The following ARMH1 variants were observed in gnomAD, a reference collection of about 807,000 sequenced individuals.
ARMH1 encodes armadillo like helical domain containing 1.
In ARMH1, 34 loss-of-function variants were observed where a neutral mutation model predicts 50.2. That is an observed-to-expected ratio of 0.68 (90% CI 0.51 to 0.90). The LOEUF (loss-of-function observed/expected upper bound fraction) is 0.90, where lower values mean the gene tolerates loss of function less well. Among genes scored for constraint, ARMH1 ranks in the 40% least tolerant of loss-of-function variants. ARMH1 has a pLI of 0.00. For missense variants in ARMH1, 538 were observed against 553.9 expected (o/e 0.97, Z 0.29); for synonymous variants, 221 against 224.2 (o/e 0.99, Z 0.13).
chr1:44,706,347 T>C (rs1646341013), intron 6 of ARMH1, among the ~76,000 whole-genome samples: 1 of 152,130 alleles, frequency 6.6e-6, no homozygotes, highest in African/African-American at 2.4e-5. Flanking sequence ...AAGCAGCTTA[T>C]GGATGTCAGA....
At chr1:44,709,915 T>C (rs1311967940) in intron 6 of ARMH1, among the ~76,000 whole-genome samples, 1 of 152,136 alleles carries the variant, frequency 6.6e-6, no homozygotes, top group Non-Finnish European at 1.5e-5. Flanking sequence ...GTTTATGAAT[T>C]TGGAAAATGG....
chr1:44,698,568 T>G lies in ARMH1; in HGVS notation c.442+339T>G, dbSNP rs553950261. 3.9e-5 allele frequency among the ~76,000 whole-genome samples: 6 copies of G among 152,246 alleles called. No individual in the cohort carries two copies. In the East Asian group the frequency reaches 1.2e-3, roughly 29 times the overall value. On this transcript the variant is annotated intron_variant, in intron 4 of 11. Coordinates refer to ENST00000535358, the MANE Select transcript of ARMH1 (RefSeq NM_001145636.2). The stretch of plus-strand genomic sequence containing the variant: ...GCTCACACCTGTAATCCCAGCATTT[T>G]GGGAGGCCAAGGCAGGAAGATCACC...
At chr1:44,703,975 C>T in intron 5 of ARMH1, 114 bp from the exon 6 acceptor site, 2 of 732,984 alleles carry the variant, frequency 2.7e-6, no homozygotes, top group Admixed American at 2.5e-5. Context: ...ATCTGCCCAC[C>T]TCGGCCTCCT....
intron 1 of ARMH1, among the ~76,000 whole-genome samples, chr1:44,686,784 C>G (rs1056782823): frequency 2.0e-5 from 3 of 151,304 alleles, no homozygotes; most frequent in Non-Finnish European, 4.4e-5. Context: ...TGCAATAAAA[C>G]TGATTCCTCC....
chr1:44,679,542 T>C (rs979972567), intron 1 of ARMH1, among the ~76,000 whole-genome samples: 4 of 152,372 alleles, frequency 2.6e-5, no homozygotes, highest in African/African-American at 9.6e-5. Flanking sequence ...AATAACATTA[T>C]GGTTTACAGA....
intron 6 of ARMH1, among the ~76,000 whole-genome samples, chr1:44,719,699 G>C (rs1314725517): frequency 1.3e-5 from 2 of 152,254 alleles, no homozygotes; most frequent in African/African-American, 4.8e-5. Context: ...CTGAAGCAGA[G>C]ACCTGTTCTG....
chr1:44,713,097 CTTTTTTT>C (rs538780455), intron 6 of ARMH1, among the ~76,000 whole-genome samples: 2 of 118,858 alleles, frequency 1.7e-5, no homozygotes, highest in African/African-American at 6.3e-5. Flanking sequence ...TGCGCCCGGC[CTTTTTTT>C]TTTTTTTTTT....
intron 6 of ARMH1, among the ~76,000 whole-genome samples, chr1:44,705,688 C>T (rs1414993255): frequency 6.6e-6 from 1 of 152,168 alleles, no homozygotes; most frequent in Non-Finnish European, 1.5e-5. Context: ...GGATTCTAGC[C>T]AGATCTGCCT....
Position 44,709,563 on chromosome 1 carries a change from A to T in ARMH1, c.724+5390A>T, listed in dbSNP as rs185640472. ...GGCATGCGCCTGTAGTCCCACCTAC[A>T]CGGGAGGCTGAGGCAGGAGAATAGC... On this transcript the variant is annotated intron_variant, in intron 6 of 11. Coordinates refer to ENST00000535358, the MANE Select transcript of ARMH1 (RefSeq NM_001145636.2). 1.3e-3 allele frequency among the ~76,000 whole-genome samples: 203 copies of T among 152,030 alleles called. 3 individuals carry two copies. Among genetic ancestry groups the T allele is most frequent in the Middle Eastern group, 0.01 (3 of 294 alleles).
rs1015621803 is a variant in ARMH1 at position 44,701,112 on chromosome 1, C to T, written c.632C>T (p.Thr211Ile). Reference sequence around the variant, plus strand: ...CAGCTGTCCCTGCAGACTCTCAGGACTGCCCAGGTGAGCCAAGGCTGCATG... The same window carrying T: ...CAGCTGTCCCTGCAGACTCTCAGGATTGCCCAGGTGAGCCAAGGCTGCATG... ...AQQLSLQTLR[T>I]AQPIIGTTHP... The change falls in exon 5 of 12, where the codon ACT becomes ATT. Residue 211 changes from threonine to isoleucine, a missense_variant. Transcript: ENST00000535358. 4 of 1,549,244 alleles carry T rather than the reference C, an allele frequency of 2.6e-6. No individual in the cohort carries two copies. In the African/African-American group the frequency reaches 4.1e-5, roughly 16 times the overall value.
At chr1:44,690,922 G>C (rs1645638675) in intron 2 of ARMH1, among the ~76,000 whole-genome samples, 1 of 152,034 alleles carries the variant, frequency 6.6e-6, no homozygotes, top group Non-Finnish European at 1.5e-5. Context: ...CAAAATGCTG[G>C]GAGTACAGGC....
Position 44,724,511 on chromosome 1 carries a change from G to A in ARMH1, c.921-28G>A, listed in dbSNP as rs1292064983. The A allele has an allele frequency of 5.3e-6, 8 of 1,505,678 alleles. No homozygotes were observed. Among genetic ancestry groups the A allele is most frequent in the Non-Finnish European group, 7.1e-6 (8 of 1,131,196 alleles). 93.3% of individuals were successfully genotyped at this position (1,505,678 alleles called of 1,614,324 possible). On this transcript the variant is annotated intron_variant, in intron 8 of 11. Transcript: ENST00000535358. This position sits in a 1 kb window ranked among gnomAD's most constrained non-coding sequence, Gnocchi z 6.4. ...GTGTGCGCCGGGTGAGCCCCAGGGC[G>A]TCGCCCCAGCCCGAACCCCCGGCCC...
chr1:44,704,493 T>G (rs563134169), intron 6 of ARMH1, among the ~76,000 whole-genome samples: 76 of 149,652 alleles, frequency 5.1e-4, no homozygotes, highest in African/African-American at 1.8e-3. Flanking sequence ...ATAGTCGTAG[T>G]ATTTGGTTGG....
chr1:44,713,727 T>G (rs539914966), intron 6 of ARMH1, among the ~76,000 whole-genome samples: 1 of 152,326 alleles, frequency 6.6e-6, no homozygotes, highest in East Asian at 1.9e-4. Context: ...CCTTGCCTTA[T>G]ACTGCGTCCT....
rs549471956 is a variant in ARMH1, at chr1:44,681,187, G to A, written c.-23+6314G>A. On this transcript the variant is annotated intron_variant, in intron 1 of 11. Coordinates refer to ENST00000535358, the MANE Select transcript of ARMH1 (RefSeq NM_001145636.2). This position sits in a 1 kb window ranked among gnomAD's most constrained non-coding sequence, Gnocchi z 4.3. ...CTTTTTGTATTTTTTAGTAGAGAGG[G>A]GGTTTCACCGTGTTAGCCAGGATGG... 2.0e-5 allele frequency among the ~76,000 whole-genome samples: 3 copies of A among 151,574 alleles called. No homozygotes were observed. The highest frequency in any genetic ancestry group is 7.3e-5 in the African/African-American group (3 of 41,298).
chr1:44,711,499 G>A (rs1042806007), intron 6 of ARMH1, among the ~76,000 whole-genome samples: 6 of 152,094 alleles, frequency 3.9e-5, no homozygotes, highest in African/African-American at 1.4e-4. Flanking sequence ...GTCTATTCAG[G>A]TCCTTTTTCC....
At chr1:44,688,434 A>C (rs1380334745) in intron 1 of ARMH1, 1 of 152,208 alleles carries the variant, frequency 6.6e-6, no homozygotes, top group African/African-American at 2.4e-5. Context: ...GTTAATTTAG[A>C]ATCAATTTTA....
chr1:44,703,797 G>A (rs898766203), intron 5 of ARMH1, among the ~76,000 whole-genome samples: 4 of 143,200 alleles, frequency 2.8e-5, no homozygotes, highest in Non-Finnish European at 6.1e-5. Flanking sequence ...CGCGATCTCG[G>A]CTCACTGCAA....
At chr1:44,722,095 A>C (rs1647331019) in intron 6 of ARMH1, among the ~76,000 whole-genome samples, 1 of 152,194 alleles carries the variant, frequency 6.6e-6, no homozygotes. Context: ...CCTGGTAATA[A>C]TTCTCGTATC....
Sources: gnomAD v4.1 joint callset for allele counts (sites outside exome capture counted in the v4.1 genomes callset) on GRCh38, gnomAD v4.1.1 for gene constraint, Gnocchi (gnomAD v3.1) non-coding constraint, MANE v1.5 for transcripts, NCBI Gene and HGNC (gene_info 2026-07-23, HGNC 2026-07-21) for gene names.